ITGAL: variants seen among roughly 807,000 people sequenced by gnomAD.
ITGAL encodes integrin alpha-L.
A neutral mutation model predicts 138.4 loss-of-function variants in ITGAL; 68 were observed. That is an observed-to-expected ratio of 0.49 (90% CI 0.40 to 0.60). The LOEUF (loss-of-function observed/expected upper bound fraction) is 0.60, where lower values mean the gene tolerates loss of function less well. ITGAL is among the 20% of genes least tolerant of loss of function. The pLI is 0.00. For missense variants in ITGAL, 1,256 were observed against 1,478.6 expected (o/e 0.85, Z 2.47); for synonymous variants, 561 against 584.3 (o/e 0.96, Z 0.57).
chr16:30,489,476 T>G (rs1311805936), intron 11 of ITGAL, 90 bp downstream of exon 11: 1 of 1,292,698 alleles, frequency 7.7e-7, no homozygotes, highest in African/African-American at 1.5e-5. Context: ...TGAAAGCAGT[T>G]AAGCAACCAG....
At chr16:30,512,504 T>C (rs771391983) in intron 24 of ITGAL, among the ~76,000 whole-genome samples, 5 of 151,050 alleles carry the variant, frequency 3.3e-5, no homozygotes, top group African/African-American at 4.9e-5. Flanking sequence ...GGACAATTGC[T>C]TGAACCCGGG....
chr16:30,517,351 A>G (rs1464067887), intron 26 of ITGAL, among the ~76,000 whole-genome samples: 2 of 152,178 alleles, frequency 1.3e-5, no homozygotes, highest in Admixed American at 1.3e-4. Flanking sequence ...TCAGCTACTC[A>G]GGAGGCAGAG....
intron 21 of ITGAL, among the ~76,000 whole-genome samples, chr16:30,507,160 T>TA (rs775422514): frequency 4.0e-5 from 6 of 151,166 alleles, no homozygotes; most frequent in Non-Finnish European, 5.9e-5. Flanking sequence ...CTGTCTCTAC[T>TA]AAAAAAATAC....
chr16:30,515,690 G>T (rs538025723), intron 25 of ITGAL, among the ~76,000 whole-genome samples: 1 of 152,108 alleles, frequency 6.6e-6, no homozygotes, highest in African/African-American at 2.4e-5. Context: ...CTGTCCATCT[G>T]GTCAGGCGCG....
At chr16:30,513,689 C>T (rs2151204217) in intron 24 of ITGAL, 82 bp from the exon 25 acceptor site, 2 of 992,020 alleles carry the variant, frequency 2.0e-6, no homozygotes, top group African/African-American at 1.6e-5. Context: ...GTTCCTAGCA[C>T]AGTGGCTGGG....
chr16:30,512,955 C>A (rs1480762784), intron 24 of ITGAL, among the ~76,000 whole-genome samples: 1 of 152,228 alleles, frequency 6.6e-6, no homozygotes, highest in Non-Finnish European at 1.5e-5. Flanking sequence ...CCTGCCTCAG[C>A]CTCCTGAAGT....
At chr16:30,480,455 A>G (rs1468816629) in intron 6 of ITGAL, 1 of 152,082 alleles carries the variant, frequency 6.6e-6, no homozygotes, top group Non-Finnish European at 1.5e-5. Flanking sequence ...GCGTAGCTTC[A>G]GTCAGGTGTT....
rs369827114 is a variant in ITGAL, at chr16:30,496,257, A to G, written c.1664A>G (p.Asn555Ser). 5.7e-5 allele frequency: 92 copies of G among 1,605,176 alleles called. 1 individual carries two copies. The highest frequency in any genetic ancestry group is 5.0e-4 in the South Asian group (45 of 90,276). The change falls in exon 14 of 31, where the codon AAT (asparagine) becomes AGT (serine). Residue 555 changes from asparagine (N) to serine (S), a missense_variant. Asn to Ser is a conservative substitution (Grantham distance 46). Transcript: ENST00000356798. ...LEEQGAVYIFNGRHGGLSPQP... is the reference protein window; with the variant it reads ...LEEQGAVYIFSGRHGGLSPQP... ...GAGCAGGGGGCTGTGTACATCTTCAATGGGAGGCACGGGGGGCTTAGTCCC... is the reference window on the plus strand; with the variant it reads ...GAGCAGGGGGCTGTGTACATCTTCAGTGGGAGGCACGGGGGGCTTAGTCCC...
At chr16:30,505,210 C>T (rs35968985) in intron 18 of ITGAL, 34 bp from the exon 19 acceptor site, 47,283 of 1,540,390 alleles carry the variant, frequency 0.031, 1,078 homozygotes, top group African/African-American at 0.11. Context: ...GTTAATCTCT[C>T]CTCTCTCCAT....
chr16:30,493,520 C>T (rs1004222342), intron 11 of ITGAL, among the ~76,000 whole-genome samples: 3 of 152,114 alleles, frequency 2.0e-5, no homozygotes, highest in Non-Finnish European at 4.4e-5. Flanking sequence ...TTGTGATCCA[C>T]CTGCCTCGGC....
At chr16:30,517,289 C>A (rs1234693323) in intron 26 of ITGAL, among the ~76,000 whole-genome samples, 1 of 152,022 alleles carries the variant, frequency 6.6e-6, no homozygotes, top group Non-Finnish European at 1.5e-5. Flanking sequence ...CCAGTCTCTA[C>A]AAACAAATTT....
At chr16:30,495,236 G>A (rs2050782937) in intron 13 of ITGAL, among the ~76,000 whole-genome samples, 1 of 152,124 alleles carries the variant, frequency 6.6e-6, no homozygotes, top group African/African-American at 2.4e-5. Context: ...TGTTGGTCAG[G>A]CTGGTCTCGA....
rs766187469 is a variant in ITGAL at position 30,494,252 on chromosome 16, G to A, written c.1254G>A (p.Ser418=). 46 of 1,612,374 alleles carry A rather than the reference G, an allele frequency of 2.9e-5. No homozygotes were observed. The highest frequency in any genetic ancestry group is 3.2e-5 in the Non-Finnish European group (38 of 1,178,860). The change falls in exon 12 of 31, where the codon TCG becomes TCA. Residue 418 remains serine (S), a synonymous_variant. Coordinates refer to ENST00000356798, the MANE Select transcript of ITGAL (RefSeq NM_002209.3). The surrounding 1 kb of genome is among the most constrained non-coding windows in gnomAD (Gnocchi z 4.2). ...VTWLPSRQKT[S]LLASGAPRYQ... ...GGCTGCCCTCCCGGCAAAAGACTTC[G>A]TTGCTGGCCTCGGGAGCCCCTCGAT...
intron 17 of ITGAL, among the ~76,000 whole-genome samples, chr16:30,499,711 A>ATGTATATATATGTGTATATATATATG (rs1555507155): frequency 3.2e-5 from 3 of 93,826 alleles, no homozygotes; most frequent in Middle Eastern, 6.2e-3. Flanking sequence ...ATATATATAT[A>ATGTATATATATGTGTATATATATATG]TGTATATATA....
chr16:30,499,711 A>ATGTATATATATGTGTATATATATATATG (rs1555507155), intron 17 of ITGAL, among the ~76,000 whole-genome samples: 21,044 of 89,588 alleles, frequency 0.23, 4,151 homozygotes, highest in East Asian at 0.41. Context: ...ATATATATAT[A>ATGTATATATATGTGTATATATATATATG]TGTATATATA....
rs1045019928 is a variant in ITGAL at position 30,521,416 on chromosome 16, A to G, written c.3340-76A>G. 8.5e-6 allele frequency: 12 copies of G among 1,403,544 alleles called. No homozygotes were observed. The African/African-American group carries it at 1.3e-4, about 15-fold the overall frequency. The allele number at this position is 1,403,544 out of a possible 1,614,324, so 86.9% of individuals were successfully genotyped here. On this transcript the variant is annotated intron_variant, in intron 30 of 30. Coordinates refer to ENST00000356798, the MANE Select transcript of ITGAL (RefSeq NM_002209.3). ...AGTGAGACTCCATCTCAAAAAAAAA[A>G]AAAGTGTTCTCACATTTTCTTGGGG...
rs561225020 is a variant in ITGAL, at chr16:30,496,193, G to T, written c.1600G>T (p.Asp534Tyr). The T allele has an allele frequency of 6.2e-7, 1 of 1,613,902 alleles. No homozygotes were observed. The highest frequency in any genetic ancestry group is 1.7e-5 in the Admixed American group (1 of 59,966). ...CACTGCTCTGACAGACATCAACGGC[G>T]ATGGGCTGGTAGACGTGGCTGTGGG... Reference protein sequence around the residue: ...AITALTDINGDGLVDVAVGAP... With the variant: ...AITALTDINGYGLVDVAVGAP... The change falls in exon 14 of 31, where the codon GAT (aspartate) becomes TAT (tyrosine). Residue 534 changes from aspartate to tyrosine, a missense_variant. Transcript: ENST00000356798.
At chr16:30,479,730 G>A (rs973609548) in intron 6 of ITGAL, among the ~76,000 whole-genome samples, 6 of 130,286 alleles carry the variant, frequency 4.6e-5, no homozygotes, top group Non-Finnish European at 9.3e-5. Context: ...GCACAATCTC[G>A]ACTCACTGCC....
chr16:30,489,873 T>A (rs369666887), intron 11 of ITGAL, among the ~76,000 whole-genome samples: 16 of 151,386 alleles, frequency 1.1e-4, no homozygotes, highest in African/African-American at 3.9e-4. Flanking sequence ...GAGGAGGAGG[T>A]TGCAGTGAGT....
Sources: allele counts gnomAD v4.1 joint callset (sites outside exome capture counted in the v4.1 genomes callset), GRCh38; gene constraint gnomAD v4.1.1; non-coding constraint Gnocchi (gnomAD v3.1); transcripts MANE v1.5; gene names NCBI Gene and HGNC (gene_info 2026-07-23, HGNC 2026-07-21).